The following FBN1 variants were observed in gnomAD, a reference collection of about 807,000 sequenced individuals.
FBN1 encodes fibrillin 1.
A neutral mutation model predicts 365.1 loss-of-function variants in FBN1; 29 were observed. That is an observed-to-expected ratio of 0.08 (90% CI 0.06 to 0.11). The LOEUF (loss-of-function observed/expected upper bound fraction) is 0.11. FBN1 is among the 10% of genes least tolerant of loss of function. The pLI is 1.00. For missense variants in FBN1, 2,476 were observed against 3,703.2 expected (o/e 0.67, Z 8.60); for synonymous variants, 1,210 against 1,270.5 (o/e 0.95, Z 1.01).
chr15:48,465,707 A>C lies in FBN1; in HGVS notation c.4817-14T>G, dbSNP rs1159141633. 5.0e-6 allele frequency: 8 copies of C among 1,613,808 alleles called. No homozygotes were observed. In the Admixed American group the frequency reaches 8.3e-5, roughly 17 times the overall value. On this transcript the variant is annotated splice_polypyrimidine_tract_variant and intron_variant, in intron 39 of 65. Transcript: ENST00000316623. ...ACTCATCAATATCTATCAAAATCAA[A>C]ACAAAGGCATTCCTTTAGCATTGTA...
At chr15:48,447,754 A>G (rs918561563) in intron 46 of FBN1, among the ~76,000 whole-genome samples, 1 of 152,192 alleles carries the variant, frequency 6.6e-6, no homozygotes, top group Non-Finnish European at 1.5e-5. Context: ...CATTTTGGAC[A>G]TGAAGATAAA....
intron 2 of FBN1, among the ~76,000 whole-genome samples, chr15:48,618,935 G>A (rs555143599): frequency 3.9e-5 from 6 of 152,096 alleles, no homozygotes; most frequent in African/African-American, 4.8e-5. Context: ...TCCTCTAGTC[G>A]CAGGAAAACA....
chr15:48,542,868 G>A (rs1398791104), intron 6 of FBN1, among the ~76,000 whole-genome samples: 1 of 149,232 alleles, frequency 6.7e-6, no homozygotes, highest in Non-Finnish European at 1.5e-5. Flanking sequence ...TTAATGAAGA[G>A]TACTCGTGTG....
At chr15:48,487,487 C>G in intron 27 of FBN1, 50 bp from the exon 28 acceptor site, 1 of 1,608,024 alleles carries the variant, frequency 6.2e-7, no homozygotes, top group Non-Finnish European at 8.5e-7. Flanking sequence ...ATCTCCTCCA[C>G]CAGACCAAGC....
chr15:48,421,761 GAAGGATAACTCGGAA>G (rs1228887516), intron 61 of FBN1, 75 bp from the exon 62 acceptor site: 187 of 1,558,270 alleles, frequency 1.2e-4, no homozygotes, highest in Admixed American at 2.6e-4. Context: ...AAGAAAATTA[GAAGGATAACTCGGAA>G]AAGGCCAAAT....
At chr15:48,531,224 T>A (rs954861143) in intron 8 of FBN1, among the ~76,000 whole-genome samples, 2 of 152,228 alleles carry the variant, frequency 1.3e-5, no homozygotes, top group African/African-American at 4.8e-5. Context: ...CAAAATGTCC[T>A]CCAATTATAT....
rs1211055796 is a variant in FBN1, at chr15:48,427,500, CTG to C, written c.7204+65_7204+66del. ...CATATTGCAAACTCCATATTTTCAT[CTG>C]TGTTTCACACAAAAAACAAATAAAT... On this transcript the variant is annotated intron_variant, in intron 58 of 65. Coordinates refer to ENST00000316623, the MANE Select transcript of FBN1 (RefSeq NM_000138.5). 16 of 1,506,348 alleles carry C rather than the reference CTG, an allele frequency of 1.1e-5. No homozygotes were observed. The African/African-American group carries it at 2.2e-4, about 21-fold the overall frequency. 93.3% of individuals were successfully genotyped at this position (1,506,348 alleles called of 1,614,324 possible).
intron 6 of FBN1, among the ~76,000 whole-genome samples, chr15:48,560,206 C>T (rs572520867): frequency 6.6e-6 from 1 of 152,214 alleles, no homozygotes; most frequent in Middle Eastern, 3.4e-3. Context: ...TGAGACAAAG[C>T]GCACACACCT....
chr15:48,519,670 A>T (rs918349093), intron 10 of FBN1, among the ~76,000 whole-genome samples: 1 of 152,216 alleles, frequency 6.6e-6, no homozygotes, highest in East Asian at 1.9e-4. Context: ...AGGGAGAAAG[A>T]GCCTGAACTG....
At position 48,638,554 on chromosome 15, in the gene FBN1, A is replaced by T. The variant is rs149951777; in HGVS notation, c.164+6052T>A. On this transcript the variant is annotated intron_variant, in intron 2 of 65. Transcript: ENST00000316623. ...AATAAATAAGCTTAATTTTCCTCAT[A>T]AAGGATTTATGTTTTAAAGGAATTA... Among the ~76,000 whole-genome samples, 498 of 151,728 alleles carry T rather than the reference A, an allele frequency of 3.3e-3. 4 individuals carry two copies. The highest frequency in any genetic ancestry group is 6.9e-3 in the Middle Eastern group (2 of 288).
At chr15:48,507,992 A>G (rs1793495696) in intron 15 of FBN1, among the ~76,000 whole-genome samples, 1 of 148,458 alleles carries the variant, frequency 6.7e-6, no homozygotes, top group African/African-American at 2.6e-5. Flanking sequence ...AGATTATTTC[A>G]AAATGGTTTA....
At chr15:48,626,407 T>A (rs1435030215) in intron 2 of FBN1, among the ~76,000 whole-genome samples, 4 of 152,096 alleles carry the variant, frequency 2.6e-5, no homozygotes, top group Non-Finnish European at 4.4e-5. Context: ...GAGAGTGAAA[T>A]TCTTCCATGT....
At chr15:48,625,729 C>T (rs563810695) in intron 2 of FBN1, among the ~76,000 whole-genome samples, 2 of 152,312 alleles carry the variant, frequency 1.3e-5, no homozygotes, top group East Asian at 1.9e-4. Flanking sequence ...GTGGCTTACA[C>T]GTGAAGCAAG....
chr15:48,417,181 T>C (rs1427222511), intron 63 of FBN1, among the ~76,000 whole-genome samples: 3 of 152,236 alleles, frequency 2.0e-5, no homozygotes, highest in Non-Finnish European at 4.4e-5. Context: ...TGTAATTAGT[T>C]TACCTTCTTT....
chr15:48,543,501 C>G (rs751879891), intron 6 of FBN1, among the ~76,000 whole-genome samples: 27 of 152,120 alleles, frequency 1.8e-4, no homozygotes, highest in Admixed American at 7.2e-4. Context: ...AGTTTCTTGT[C>G]AAAAAGTGTC....
At chr15:48,518,432 T>G (rs1416558817) in intron 10 of FBN1, among the ~76,000 whole-genome samples, 1 of 152,260 alleles carries the variant, frequency 6.6e-6, no homozygotes, top group Non-Finnish European at 1.5e-5. Flanking sequence ...AGGAACTCAC[T>G]TTGCTTCCAA....
chr15:48,437,146 T>G, intron 52 of FBN1, 69 bp from the exon 53 acceptor site: 1 of 1,227,090 alleles, frequency 8.1e-7, no homozygotes, highest in Non-Finnish European at 1.2e-6. Flanking sequence ...TTATGATCAT[T>G]TCAGTGTTTA....
chr15:48,626,995 AT>A (rs1332384521), intron 2 of FBN1, among the ~76,000 whole-genome samples: 1 of 152,186 alleles, frequency 6.6e-6, no homozygotes, highest in Non-Finnish European at 1.5e-5. Flanking sequence ...AAGTGAAGTA[AT>A]TTTTCAAAGG....
intron 6 of FBN1, among the ~76,000 whole-genome samples, chr15:48,595,369 A>T (rs1335674404): frequency 6.6e-6 from 1 of 152,236 alleles, no homozygotes; most frequent in Admixed American, 6.5e-5. Context: ...GCAGTTTAAA[A>T]GTTCATGCAA....
Sources: gnomAD v4.1 joint callset for allele counts (sites outside exome capture counted in the v4.1 genomes callset) on GRCh38, gnomAD v4.1.1 for gene constraint, MANE v1.5 for transcripts, NCBI Gene and HGNC (gene_info 2026-07-23, HGNC 2026-07-21) for gene names.